The following UGT1A9 variants were observed in gnomAD, a reference collection of about 807,000 sequenced individuals.
UGT1A9 encodes the protein UDP glucuronosyltransferase family 1 member A9, also known as UDP-glucuronosyltransferase 1A9.
In UGT1A9, 35 loss-of-function variants were observed where a neutral mutation model predicts 45.0. The observed-to-expected ratio is 0.78, with a 90% CI of 0.59 to 1.03. UGT1A9 has a LOEUF of 1.03. Ranked by LOEUF, UGT1A9 falls within the 50% of genes least tolerant of loss-of-function variation. The pLI is 0.00. For synonymous variants in UGT1A9, 278 were observed against 250.6 expected, an observed-to-expected ratio of 1.11 and a Z score of -1.03; for missense variants, 687 against 666.6, an observed-to-expected ratio of 1.03 and a Z score of -0.34.
At chr2:233,746,073 G>A (rs1049176727) in intron 1 of UGT1A9, among the ~76,000 whole-genome samples, 4 of 151,780 alleles carry the variant, frequency 2.6e-5, no homozygotes, top group Admixed American at 6.6e-5. Flanking sequence ...AAGAGAAGAG[G>A]AGTCACTTCT....
Position 233,682,723 on chromosome 2 carries a change from C to T in UGT1A9, c.855+9934C>T, listed in dbSNP as rs574635483. 2.7e-5 allele frequency: 44 copies of T among 1,613,866 alleles called. No homozygotes were observed. The South Asian group carries it at 4.3e-4, about 16-fold the overall frequency. On this transcript the variant is annotated intron_variant, in intron 1 of 4. Coordinates refer to ENST00000354728, the MANE Select transcript of UGT1A9 (RefSeq NM_021027.3). ...GAACTGACTTTGTTTTGGAGTATCC[C>T]AAACCCGTGATGCCCAATATGATCT...
chr2:233,690,508 G>T, intron 1 of UGT1A9: 1 of 1,289,314 alleles, frequency 7.8e-7, no homozygotes, highest in South Asian at 1.2e-5. Context: ...ACAGAGATTT[G>T]TTTTATCTTA....
chr2:233,763,358 T>G (rs1698289277), intron 1 of UGT1A9, among the ~76,000 whole-genome samples: 1 of 152,246 alleles, frequency 6.6e-6, no homozygotes, highest in Admixed American at 6.5e-5. Context: ...TCTTTAGTAC[T>G]CCTTTGTCTT....
chr2:233,682,303 A>G (rs953651493), intron 1 of UGT1A9: 16 of 1,613,966 alleles, frequency 9.9e-6, no homozygotes, highest in Non-Finnish European at 1.2e-5. Context: ...TATTTTTTTC[A>G]AATTGCAGGA....
intron 1 of UGT1A9, among the ~76,000 whole-genome samples, chr2:233,740,072 C>T (rs1243642883): frequency 1.3e-5 from 2 of 151,828 alleles, no homozygotes; most frequent in Admixed American, 1.3e-4. Flanking sequence ...CTTTTCCTCT[C>T]TGTCTCTCGC....
chr2:233,693,627 G>A lies in UGT1A9; in HGVS notation c.855+20838G>A, dbSNP rs1434633397. On this transcript the variant is annotated intron_variant, in intron 1 of 4. Transcript: ENST00000354728. ...TCAGACCACATGACTTTTTCCCAAC[G>A]AGTGGCCAACTTCCTTGTTAATTTG... is the stretch of plus-strand genomic sequence containing the variant. 2.5e-6 allele frequency: 4 copies of A among 1,614,066 alleles called. No homozygotes were observed. The highest frequency in any genetic ancestry group is 1.7e-5 in the Admixed American group (1 of 60,010).
intron 1 of UGT1A9, chr2:233,753,490 A>T (rs1695218587): frequency 6.6e-6 from 1 of 152,072 alleles, no homozygotes. Context: ...GCTGCTCTTA[A>T]TTTTTTTCAG....
chr2:233,729,363 C>G (rs747061628), intron 1 of UGT1A9: 9 of 1,614,038 alleles, frequency 5.6e-6, no homozygotes, highest in Non-Finnish European at 5.9e-6. Flanking sequence ...CCCTGACAAC[C>G]TATGCCATTT....
At chr2:233,681,967 T>A (rs1390610416) in intron 1 of UGT1A9, 6 of 1,614,002 alleles carry the variant, frequency 3.7e-6, no homozygotes, top group Admixed American at 1.7e-5. Context: ...CTGGCCTCCT[T>A]CCCCTATATG....
chr2:233,675,598 A>G (rs1409692830), intron 1 of UGT1A9, among the ~76,000 whole-genome samples: 1 of 152,156 alleles, frequency 6.6e-6, no homozygotes, highest in Non-Finnish European at 1.5e-5. Flanking sequence ...GACAAGACTA[A>G]GGCCTCCCAC....
In UGT1A9 at chr2:233,760,681, C is replaced by T. The variant is rs769242961; in HGVS notation, c.856-6353C>T. 2 of 1,614,246 alleles carry T rather than the reference C, an allele frequency of 1.2e-6. No homozygotes were observed. The highest frequency in any genetic ancestry group is 1.7e-6 in the Non-Finnish European group (2 of 1,180,048). Reference sequence around the variant, plus strand: ...TTTGTCTGGCTGTTCCCACTTACTGCACAACAAGGAGCTCATGGCCTCCCT... The same window carrying T: ...TTTGTCTGGCTGTTCCCACTTACTGTACAACAAGGAGCTCATGGCCTCCCT... On this transcript the variant is annotated intron_variant, in intron 1 of 4. Coordinates refer to ENST00000354728, the MANE Select transcript of UGT1A9 (RefSeq NM_021027.3).
chr2:233,740,547 G>A (rs1575636319), intron 1 of UGT1A9: 1 of 151,824 alleles, frequency 6.6e-6, no homozygotes, highest in African/African-American at 2.4e-5. Flanking sequence ...ACTCCAGCCA[G>A]AAAAAATGTC....
At chr2:233,707,410 C>G (rs370050172) in intron 1 of UGT1A9, among the ~76,000 whole-genome samples, 97 of 152,270 alleles carry the variant, frequency 6.4e-4, no homozygotes, top group African/African-American at 2.3e-3. Context: ...TGTTCTCTCT[C>G]CCTCGACTAT....
chr2:233,752,487 A>G (rs551015085), intron 1 of UGT1A9: 1 of 152,342 alleles, frequency 6.6e-6, no homozygotes, highest in South Asian at 2.1e-4. Context: ...TATGTTTTTG[A>G]GATGAGACAT....
At chr2:233,680,206 C>A (rs777098137) in intron 1 of UGT1A9, among the ~76,000 whole-genome samples, 3 of 152,090 alleles carry the variant, frequency 2.0e-5, no homozygotes, top group Non-Finnish European at 4.4e-5. Flanking sequence ...ATTAGTTGCA[C>A]TTTATAGTCC....
Position 233,740,697 on chromosome 2 carries a change from G to T in UGT1A9, c.856-26337G>T, listed in dbSNP as rs764928862. The stretch of plus-strand genomic sequence containing the variant: ...TTCCATGGAGGGTGTTCATTTTAGG[G>T]ATTTCAAGAGGGTCATCTTTGCACC... On this transcript the variant is annotated intron_variant, in intron 1 of 4. Coordinates refer to ENST00000354728, the MANE Select transcript of UGT1A9 (RefSeq NM_021027.3). 2.6e-5 allele frequency: 4 copies of T among 151,794 alleles called. No homozygotes were observed. In the East Asian group the frequency reaches 7.7e-4, roughly 29 times the overall value. 9.4% of individuals were successfully genotyped at this position (151,794 alleles called of 1,614,324 possible).
At chr2:233,691,740 AC>A in intron 1 of UGT1A9, 1 of 684,072 alleles carries the variant, frequency 1.5e-6, no homozygotes. Context: ...AGAAGCAGAT[AC>A]CAGGCTTTCT....
At chr2:233,741,718 G>A (rs530950175) in intron 1 of UGT1A9, 1 of 151,874 alleles carries the variant, frequency 6.6e-6, no homozygotes, top group Non-Finnish European at 1.5e-5. Flanking sequence ...GGGTTCTAGA[G>A]CATATCCAAA....
intron 1 of UGT1A9, among the ~76,000 whole-genome samples, chr2:233,757,619 A>G (rs1437494515): frequency 1.3e-5 from 2 of 148,966 alleles, no homozygotes; most frequent in African/African-American, 2.5e-5. Flanking sequence ...CTGCTAAAAG[A>G]TACAAGGCAG....
Sources: allele counts gnomAD v4.1 joint callset (sites outside exome capture counted in the v4.1 genomes callset), GRCh38; gene constraint gnomAD v4.1.1; transcripts MANE v1.5; gene names NCBI Gene and HGNC (gene_info 2026-07-23, HGNC 2026-07-21).